The following SIN3A variants were observed in gnomAD, a reference collection of about 807,000 sequenced individuals.
SIN3A encodes the protein SIN3 transcription regulator family member A.
Under a neutral mutation model 146.1 loss-of-function variants are expected in SIN3A, and 14 were observed. The ratio of observed to expected loss-of-function variants is 0.10; its 90% confidence interval spans 0.06 to 0.15. The LOEUF is 0.15. Among genes scored for constraint, SIN3A ranks in the 10% least tolerant of loss-of-function variants. SIN3A has a pLI of 1.00. For synonymous variants in SIN3A, 572 were observed against 572.0 expected (o/e 1.00, Z 0.00); for missense variants, 1,028 against 1,576.0 (o/e 0.65, Z 5.89).
At chr15:75,394,157 C>G (rs1255789071) in intron 14 of SIN3A, among the ~76,000 whole-genome samples, 5 of 152,138 alleles carry the variant, frequency 3.3e-5, no homozygotes, top group Admixed American at 3.3e-4. Context: ...AGTTCAGGAT[C>G]ACCCCACTCC....
intron 2 of SIN3A, among the ~76,000 whole-genome samples, chr15:75,423,130 T>G (rs1429724281): frequency 6.6e-6 from 1 of 151,936 alleles, no homozygotes; most frequent in Non-Finnish European, 1.5e-5. Context: ...AATAAAAACT[T>G]GGCCAGGCAT....
upstream of SIN3A, among the ~76,000 whole-genome samples, chr15:75,455,245 A>T (rs1465640893): frequency 6.6e-6 from 1 of 151,820 alleles, no homozygotes; most frequent in Non-Finnish European, 1.5e-5. Flanking sequence ...CTCGCTCGCT[A>T]ACTCCAGCTC....
In SIN3A at chr15:75,371,931, C is replaced by T. The variant is rs773259322; in HGVS notation, c.*48G>A. 10 of 1,537,486 alleles carry T rather than the reference C, an allele frequency of 6.5e-6. No homozygotes were observed. Among genetic ancestry groups the T allele is most frequent in the Middle Eastern group, 1.7e-4 (1 of 5,902 alleles). ...TTCAGTGTGTGAGTGCATAGGCCCA[C>T]ACACACATCCCCACACACACCCCAA... On this transcript the variant is annotated 3_prime_UTR_variant, in exon 21 of 21. Coordinates refer to ENST00000394947, the MANE Select transcript of SIN3A (RefSeq NM_001145358.2).
At chr15:75,378,887 GAT>G (rs61263220) in intron 19 of SIN3A, among the ~76,000 whole-genome samples, 25,194 of 144,860 alleles carry the variant, frequency 0.17, 2,249 homozygotes, top group Admixed American at 0.23. Context: ...ATATAATAGG[GAT>G]ATATATATAT....
chr15:75,395,922 A>G (rs903713548), intron 13 of SIN3A, among the ~76,000 whole-genome samples: 2 of 152,130 alleles, frequency 1.3e-5, no homozygotes, highest in Non-Finnish European at 1.5e-5. Context: ...AACAAAACAA[A>G]AACAAACAAA....
At chr15:75,414,160 C>T (rs765474004) in intron 4 of SIN3A, 45 bp downstream of exon 4, 1 of 1,004,634 alleles carries the variant, frequency 1.0e-6, no homozygotes, top group Non-Finnish European at 1.5e-6. Flanking sequence ...CTTCCAAAAT[C>T]AATATGCCAG....
At position 75,410,137 on chromosome 15, in the gene SIN3A, G is replaced by A. The variant is rs766878286; in HGVS notation, c.1158C>T (p.Ser386=). Residue 386 remains serine (S), a synonymous_variant, in exon 7 of 21, where the codon TCC becomes TCT. Coordinates refer to ENST00000394947, the MANE Select transcript of SIN3A (RefSeq NM_001145358.2). ...AATTCTTATTAAAAAAACATACCAC[G>A]GAGCTGTTGGCATCTGGTAGGAATT... ...FGQFLPDANS[S]VLLSKTTAEK... 36 of 1,613,548 alleles carry A rather than the reference G, an allele frequency of 2.2e-5. No individual in the cohort carries two copies. The highest frequency in any genetic ancestry group is 4.5e-5 in the East Asian group (2 of 44,894).
At chr15:75,394,226 G>A (rs1328438864) in intron 14 of SIN3A, among the ~76,000 whole-genome samples, 2 of 152,134 alleles carry the variant, frequency 1.3e-5, no homozygotes, top group African/African-American at 2.4e-5. Flanking sequence ...CTGAGCCCAC[G>A]GAAACCAGGA....
At chr15:75,448,493 CA>C (rs377718727) in intron 1 of SIN3A, among the ~76,000 whole-genome samples, 133 of 127,406 alleles carry the variant, frequency 1.0e-3, no homozygotes, top group South Asian at 1.5e-3. Context: ...GACTCCATCT[CA>C]AAAAAAAAAA....
chr15:75,406,843 T>C (rs2073526059), intron 9 of SIN3A, among the ~76,000 whole-genome samples: 1 of 152,238 alleles, frequency 6.6e-6, no homozygotes, highest in African/African-American at 2.4e-5. Flanking sequence ...TGCCCCAAAC[T>C]GCTTCATAAA....
intron 12 of SIN3A, among the ~76,000 whole-genome samples, chr15:75,397,331 C>A (rs1337382422): frequency 6.6e-6 from 1 of 152,166 alleles, no homozygotes. Flanking sequence ...AAAAAATGGA[C>A]TAAACTTCCT....
upstream of SIN3A, among the ~76,000 whole-genome samples, chr15:75,454,148 C>A (rs931022088): frequency 1.4e-5 from 2 of 141,178 alleles, no homozygotes; most frequent in Admixed American, 6.9e-5. Flanking sequence ...AAGAACCGTC[C>A]CTCCTCCCTC....
At position 75,422,662 on chromosome 15, in the gene SIN3A, T is replaced by C; in HGVS notation, c.351A>G (p.Gln117=). The part of the protein sequence containing the change: ...PPVAPVQGQQ[Q]FQRLKVEDAL... ...TGAATACCACCTTCAGCCTCTGAAA[T>C]TGCTGCTGTCCCTGCACTGGTGCAA... The change falls in exon 3 of 21, where the codon CAA becomes CAG. Residue 117 remains glutamine (Q), a synonymous_variant. Transcript: ENST00000394947. 6.2e-7 allele frequency: 1 copy of C among 1,614,222 alleles called. No individual in the cohort carries two copies. The highest frequency in any genetic ancestry group is 2.2e-5 in the East Asian group (1 of 44,886).
rs77503105 is a variant in SIN3A at position 75,404,320 on chromosome 15, A to G, written c.1408-2350T>C. On this transcript the variant is annotated intron_variant, in intron 9 of 20. Coordinates refer to ENST00000394947, the MANE Select transcript of SIN3A (RefSeq NM_001145358.2). ...ATACACAAAAGTAGACAGAAGTATA[A>G]CGAACCTATGTACTCACCCCAACCT... is the stretch of plus-strand genomic sequence containing the variant. Among the ~76,000 whole-genome samples, 161 of 152,364 alleles carry G rather than the reference A, an allele frequency of 1.1e-3. 5 individuals carry two copies. In the East Asian group the frequency reaches 0.029, roughly 27 times the overall value.
chr15:75,437,072 G>A (rs146078702), intron 1 of SIN3A, among the ~76,000 whole-genome samples: 2 of 152,236 alleles, frequency 1.3e-5, no homozygotes, highest in African/African-American at 4.8e-5. Context: ...GTCCAGCACT[G>A]AGCCAGAGAT....
At position 75,394,809 on chromosome 15, in the gene SIN3A, T is replaced by C. The variant is rs1422114378; in HGVS notation, c.2148A>G (p.Val716=). The C allele has an allele frequency of 1.9e-6, 3 of 1,614,056 alleles. No individual in the cohort carries two copies. The highest frequency in any genetic ancestry group is 2.5e-6 in the Non-Finnish European group (3 of 1,180,036). The change falls in exon 14 of 21, where the codon GTA becomes GTG. Residue 716 remains valine (V), a synonymous_variant. Coordinates refer to ENST00000394947, the MANE Select transcript of SIN3A (RefSeq NM_001145358.2). ...AGTATTTCTCATTTTGTTCTCGCCA[T>C]ACTTTGTTAAAGCCTCTCTGAGCTT... ...WREAQRGFNK[V]WREQNEKYYL...
intron 9 of SIN3A, among the ~76,000 whole-genome samples, chr15:75,405,995 CT>C (rs985315078): frequency 3.9e-5 from 6 of 152,252 alleles, no homozygotes; most frequent in African/African-American, 1.4e-4. Flanking sequence ...CAGGACTCTC[CT>C]GCAAAAAGCT....
intron 1 of SIN3A, among the ~76,000 whole-genome samples, chr15:75,451,054 G>C (rs894386579): frequency 5.7e-5 from 8 of 141,040 alleles, no homozygotes; most frequent in Non-Finnish European, 1.2e-4. Flanking sequence ...GCCAGAGCGC[G>C]GCCGCCAGCC....
upstream of SIN3A, among the ~76,000 whole-genome samples, chr15:75,454,413 G>A (rs1436351367): frequency 3.3e-5 from 5 of 151,762 alleles, no homozygotes; most frequent in Admixed American, 6.6e-5. Context: ...AGTCTGGGCC[G>A]AGGAGTGCAG....
Sources: allele counts gnomAD v4.1 joint callset (sites outside exome capture counted in the v4.1 genomes callset), GRCh38; gene constraint gnomAD v4.1.1; transcripts MANE v1.5; gene names NCBI Gene and HGNC (gene_info 2026-07-23, HGNC 2026-07-21).